Variants in ZIC5 observed in about 807,000 individuals in gnomAD.
ZIC5 encodes zinc finger protein ZIC 5.
Under a neutral mutation model 28.5 loss-of-function variants are expected in ZIC5, and 20 were observed. That is an observed-to-expected ratio of 0.70 (90% CI 0.49 to 1.02). ZIC5 has a LOEUF of 1.02. Ranked by LOEUF, ZIC5 falls within the 50% of genes least tolerant of loss-of-function variation. The pLI is 0.00. For synonymous variants in ZIC5, 488 were observed against 410.4 expected, an observed-to-expected ratio of 1.19 and a Z score of -2.29; for missense variants, 951 against 899.7, an observed-to-expected ratio of 1.06 and a Z score of -0.73.
At position 99,965,225 on chromosome 13, in the gene ZIC5, AC is replaced by A. The variant is rs1270432448; in HGVS notation, c.*151del. 2.2e-5 allele frequency: 12 copies of A among 554,756 alleles called. No individual in the cohort carries two copies. The highest frequency in any genetic ancestry group is 3.5e-5 in the Non-Finnish European group (12 of 341,826). 34.4% of individuals were successfully genotyped at this position (554,756 alleles called of 1,614,324 possible). On this transcript the variant is annotated 3_prime_UTR_variant, in exon 2 of 2. Transcript: ENST00000267294. ...AATTAAATTAATTAAATGTACAAAC[AC>A]CATAGGGTTTCATACTGAATAAATA...
At chr13:99,971,868 T>C (rs1426258344), upstream of ZIC5, 3 of 691,986 alleles carry the variant, frequency 4.3e-6, no homozygotes, top group East Asian at 5.6e-5. Flanking sequence ...GGCTGCTCGA[T>C]TGGCTCCCGT....
intron 1 of ZIC5, among the ~76,000 whole-genome samples, chr13:99,966,153 A>G (rs1266951348): frequency 2.6e-5 from 4 of 152,168 alleles, no homozygotes; most frequent in Non-Finnish European, 5.9e-5. Flanking sequence ...CCCGACAGAC[A>G]CACTCCCCTC....
Position 99,971,073 on chromosome 13 carries a change from C to T in ZIC5, c.531G>A (p.Arg177=). The part of the protein sequence containing the change: ...KGHSRDFVLR[R]DLSATAPAAA... ...CCGCGGGGGCCGTGGCGGAAAGGTC[C>T]CTCCGGAGGACGAAGTCCCTGCTGT... Residue 177 remains arginine (R), a synonymous_variant, in exon 1 of 2, where the codon AGG becomes AGA. Transcript: ENST00000267294. The T allele has an allele frequency of 4.9e-6, 7 of 1,432,466 alleles. No individual in the cohort carries two copies. Among genetic ancestry groups the T allele is most frequent in the Non-Finnish European group, 6.3e-6 (7 of 1,104,088 alleles). 88.7% of individuals were successfully genotyped at this position (1,432,466 alleles called of 1,614,324 possible). A position where few individuals can be genotyped will look rare whatever the true frequency, so the allele number is the denominator to read the frequency against.
At chr13:99,966,140 T>C (rs1594281828) in intron 1 of ZIC5, among the ~76,000 whole-genome samples, 1 of 151,328 alleles carries the variant, frequency 6.6e-6, no homozygotes, top group South Asian at 2.1e-4. Context: ...GCAGACCCCC[T>C]CCCCCGACAG....
intron 1 of ZIC5, among the ~76,000 whole-genome samples, chr13:99,968,224 T>C (rs1465643466): frequency 6.6e-6 from 1 of 152,004 alleles, no homozygotes; most frequent in Non-Finnish European, 1.5e-5. Flanking sequence ...CAATGTCCAA[T>C]AGCTGAGCGG....
chr13:99,968,454 C>T (rs1054069948), intron 1 of ZIC5, among the ~76,000 whole-genome samples: 8 of 152,094 alleles, frequency 5.3e-5, no homozygotes, highest in Non-Finnish European at 8.8e-5. Context: ...ACCCCACGCA[C>T]GCGCGCGTGC....
rs184583208 is a variant in ZIC5, at chr13:99,970,464, G to T, written c.1140C>A (p.Asp380Glu). 5.5e-6 allele frequency: 6 copies of T among 1,098,180 alleles called. No individual in the cohort carries two copies. Among genetic ancestry groups the T allele is most frequent in the Middle Eastern group, 4.1e-4 (1 of 2,462 alleles). The allele number at this position is 1,098,180 out of a possible 1,614,324, so 68.0% of individuals were successfully genotyped here. A position where few individuals can be genotyped will look rare whatever the true frequency, so the allele number is the denominator to read the frequency against. Residue 380 changes from aspartate (D) to glutamate (E), a missense_variant, in exon 1 of 2, where the codon GAC (aspartate) becomes GAA (glutamate). Transcript: ENST00000267294. ...GCGGCGGCGGCAGCCCGGCCAGCTC[G>T]TCGGGGTCGATCCACTTGCAGATGA... ...QELICKWIDPDELAGLPPPPP... is the reference protein window; with the variant it reads ...QELICKWIDPEELAGLPPPPP...
In ZIC5 at chr13:99,970,593, CGGCGGCGCCGGG is replaced by C. The variant is rs776567415; in HGVS notation, c.999_1010del (p.Ala335_Pro338del). The C allele has an allele frequency of 8.0e-6, 8 of 994,284 alleles. No homozygotes were observed. The highest frequency in any genetic ancestry group is 9.5e-6 in the Non-Finnish European group (8 of 839,314). 61.6% of individuals were successfully genotyped at this position (994,284 alleles called of 1,614,324 possible). On this transcript the variant is annotated inframe_deletion, in exon 1 of 2. Coordinates refer to ENST00000267294, the MANE Select transcript of ZIC5 (RefSeq NM_033132.5). The stretch of plus-strand genomic sequence containing the variant: ...GGTGCTGCGCGGGCGCCGGCGGCGG[CGGCGGCGCCGGG>C]GGCGGCGCGTGGTGCTGCAGGTGGG...
At chr13:99,965,907 T>C (rs1332298562) in intron 1 of ZIC5, 88 bp from the exon 2 acceptor site, 5 of 1,397,884 alleles carry the variant, frequency 3.6e-6, no homozygotes, top group Middle Eastern at 1.8e-4. Context: ...GGTTGTGTTT[T>C]TCCTATTCTC....
intron 1 of ZIC5, among the ~76,000 whole-genome samples, chr13:99,967,808 G>T (rs1171242630): frequency 6.6e-6 from 1 of 152,242 alleles, no homozygotes; most frequent in African/African-American, 2.4e-5. Flanking sequence ...CAAGGCAAGG[G>T]CGATGGAAAG....
In ZIC5 at chr13:99,965,476, G is replaced by A; in HGVS notation, c.1821C>T (p.Ala607=). Residue 607 remains alanine (A), a synonymous_variant, in exon 2 of 2, where the codon GCC becomes GCT. Transcript: ENST00000267294. ...TGGAAGGGGTGTGGAGGTGGCTGGGGGCCCCACTGGCCTGGCAAACGTACC... is the reference window on the plus strand; with the variant it reads ...TGGAAGGGGTGTGGAGGTGGCTGGGAGCCCCACTGGCCTGGCAAACGTACC... ...NEWYVCQASG[A]PSHLHTPSSN... The A allele has an allele frequency of 6.2e-7, 1 of 1,614,118 alleles. No individual in the cohort carries two copies. The highest frequency in any genetic ancestry group is 8.5e-7 in the Non-Finnish European group (1 of 1,180,018).
Position 99,964,465 on chromosome 13 carries a change from G to A in ZIC5, c.*912C>T, listed in dbSNP as rs897300232. 1.5e-4 allele frequency: 23 copies of A among 149,122 alleles called. No individual in the cohort carries two copies. Among genetic ancestry groups the A allele is most frequent in the African/African-American group, 5.8e-4 (23 of 39,744 alleles). The allele number at this position is 149,122 out of a possible 1,614,324, so 9.2% of individuals were successfully genotyped here. On this transcript the variant is annotated 3_prime_UTR_variant, in exon 2 of 2. Coordinates refer to ENST00000267294, the MANE Select transcript of ZIC5 (RefSeq NM_033132.5). The stretch of plus-strand genomic sequence containing the variant: ...ACACAAGAAGTTTGGACACAGTTAG[G>A]AGGCAGTATCTGAGAATTCAGATAA...
In ZIC5 at chr13:99,970,747, T is replaced by A. The variant is rs1258355581; in HGVS notation, c.857A>T (p.Asp286Val). 1.7e-6 allele frequency: 2 copies of A among 1,186,518 alleles called. No homozygotes were observed. Among genetic ancestry groups the A allele is most frequent in the Non-Finnish European group, 2.1e-6 (2 of 959,214 alleles). 73.5% of individuals were successfully genotyped at this position (1,186,518 alleles called of 1,614,324 possible). A position where few individuals can be genotyped will look rare whatever the true frequency, so the allele number is the denominator to read the frequency against. The change falls in exon 1 of 2, where the codon GAC (aspartate) becomes GTC (valine). Residue 286 changes from aspartate to valine, a missense_variant. Physicochemically the swap from Asp to Val is radical, Grantham distance 152. Transcript: ENST00000267294. ...GGCCGCAACCGCCCCGTAGTGCGCG[T>A]CCCCAGAGCGCGGCGCGAAGGGCGG... Reference protein sequence around the residue: ...AEPPFAPRSGDAHYGAVAAAA... With the variant: ...AEPPFAPRSGVAHYGAVAAAA...
upstream of ZIC5, chr13:99,971,777 A>C (rs2053163393): frequency 1.4e-6 from 2 of 1,445,766 alleles, no homozygotes; most frequent in Admixed American, 4.1e-5. Flanking sequence ...TGAACACCAC[A>C]TTTGAGCTGC....
At chr13:99,969,458 G>C (rs1018615905) in intron 1 of ZIC5, among the ~76,000 whole-genome samples, 18 of 149,766 alleles carry the variant, frequency 1.2e-4, no homozygotes, top group Non-Finnish European at 3.0e-5. Flanking sequence ...GAGGATATGA[G>C]TGTGTAAAGT....
intron 1 of ZIC5, among the ~76,000 whole-genome samples, chr13:99,967,779 C>T (rs182810517): frequency 2.0e-5 from 3 of 152,236 alleles, no homozygotes; most frequent in Admixed American, 6.5e-5. Flanking sequence ...AAGAGGTGCA[C>T]GGAGAAAACA....
At chr13:99,968,367 C>G (rs1440759949) in intron 1 of ZIC5, among the ~76,000 whole-genome samples, 1 of 152,148 alleles carries the variant, frequency 6.6e-6, no homozygotes, top group Non-Finnish European at 1.5e-5. Flanking sequence ...GAAATGCAAC[C>G]GTCCGCGAGA....
chr13:99,971,256 C>A lies in ZIC5; in HGVS notation c.348G>T (p.Gly116=), dbSNP rs1040104626. The change falls in exon 1 of 2, where the codon GGG becomes GGT. Residue 116 remains glycine, a synonymous_variant. Transcript: ENST00000267294. ...CGGAGGGCTGCGCGCCACTGCTGCC[C>A]CCGCCGCAGGGGTAGCTGCCCGCGC... ...HPGAGSYPCG[G]GSSGAQPSAP... is the part of the protein sequence containing the mutation. The A allele has an allele frequency of 7.5e-7, 1 of 1,330,624 alleles. No homozygotes were observed. The highest frequency in any genetic ancestry group is 9.5e-7 in the Non-Finnish European group (1 of 1,049,084). The allele number at this position is 1,330,624 out of a possible 1,614,324, so 82.4% of individuals were successfully genotyped here. A position where few individuals can be genotyped will look rare whatever the true frequency, so the allele number is the denominator to read the frequency against.
chr13:99,969,886 C>T (rs2053133250), intron 1 of ZIC5, among the ~76,000 whole-genome samples: 1 of 150,534 alleles, frequency 6.6e-6, no homozygotes. Flanking sequence ...GGAGACTCCG[C>T]CGTGTGGGAA....
Sources: gnomAD v4.1 joint callset for allele counts (sites outside exome capture counted in the v4.1 genomes callset) on GRCh38, gnomAD v4.1.1 for gene constraint, MANE v1.5 for transcripts, NCBI Gene and HGNC (gene_info 2026-07-23, HGNC 2026-07-21) for gene names.